The following DCAF12 variants were observed in gnomAD, a reference collection of about 807,000 sequenced individuals.
DCAF12 encodes the protein DDB1 and CUL4 associated factor 12.
Under a neutral mutation model 52.8 loss-of-function variants are expected in DCAF12, and 28 were observed. That is an observed-to-expected ratio of 0.53 (90% CI 0.39 to 0.73). The LOEUF (loss-of-function observed/expected upper bound fraction) is 0.73. DCAF12 is among the 30% of genes least tolerant of loss of function. The pLI is 0.00. For synonymous variants in DCAF12, 196 were observed against 215.5 expected (o/e 0.91, Z 0.79); for missense variants, 425 against 552.2 (o/e 0.77, Z 2.31).
At chr9:34,118,523 T>G (rs1829121106) in intron 2 of DCAF12, among the ~76,000 whole-genome samples, 1 of 152,192 alleles carries the variant, frequency 6.6e-6, no homozygotes, top group South Asian at 2.1e-4. Context: ...TTTCAGGTTT[T>G]TGTTCCCTGG....
At chr9:34,118,692 G>T (rs1226294748) in intron 2 of DCAF12, among the ~76,000 whole-genome samples, 25 of 152,128 alleles carry the variant, frequency 1.6e-4, no homozygotes, top group Admixed American at 1.5e-3. Flanking sequence ...GGCCGGGCGT[G>T]GTGGGTCATG....
Position 34,126,518 on chromosome 9 carries a change from G to A in DCAF12, c.-87C>T. ...ACGGCGGGTCATATACTGGGCCCCG[G>A]GGCCGCGCACCTTAGTGCGCCCGGC... On this transcript the variant is annotated 5_prime_UTR_variant, in exon 1 of 9. Coordinates refer to ENST00000361264, the MANE Select transcript of DCAF12 (RefSeq NM_015397.4). 4.1e-6 allele frequency: 6 copies of A among 1,458,390 alleles called. No individual in the cohort carries two copies. The highest frequency in any genetic ancestry group is 5.5e-6 in the Non-Finnish European group (6 of 1,095,766). The allele number at this position is 1,458,390 out of a possible 1,614,324, so 90.3% of individuals were successfully genotyped here. A position where few individuals can be genotyped will look rare whatever the true frequency, so the allele number is the denominator to read the frequency against.
At chr9:34,091,917 A>T (rs1251717806) in intron 7 of DCAF12, among the ~76,000 whole-genome samples, 1 of 152,194 alleles carries the variant, frequency 6.6e-6, no homozygotes, top group African/African-American at 2.4e-5. Flanking sequence ...CAAGTTATTT[A>T]GCTGGCTCTA....
intron 4 of DCAF12, among the ~76,000 whole-genome samples, chr9:34,099,579 C>G (rs971429757): frequency 2.0e-5 from 3 of 150,656 alleles, no homozygotes; most frequent in Non-Finnish European, 3.0e-5. Context: ...AGCTAATTTT[C>G]TTTTTTATTT....
At chr9:34,118,836 C>G (rs187313339) in intron 2 of DCAF12, among the ~76,000 whole-genome samples, 83 of 152,214 alleles carry the variant, frequency 5.5e-4, no homozygotes, top group African/African-American at 2.0e-3. Flanking sequence ...TGGTGGCACA[C>G]ACCTGTAATC....
Position 34,126,583 on chromosome 9 carries a change from G to A in DCAF12, c.-152C>T. ...GGACCCGGAGCGGCAGCAGAAAAAA[G>A]ATAGGCGGAAAGAAAGGAAAGAGAG... On this transcript the variant is annotated 5_prime_UTR_variant, in exon 1 of 9. Coordinates refer to ENST00000361264, the MANE Select transcript of DCAF12 (RefSeq NM_015397.4). The A allele has an allele frequency of 1.3e-6, 1 of 798,648 alleles. No individual in the cohort carries two copies. Among genetic ancestry groups the A allele is most frequent in the East Asian group, 2.8e-5 (1 of 35,784 alleles). The allele number at this position is 798,648 out of a possible 1,614,324, so 49.5% of individuals were successfully genotyped here. A position where few individuals can be genotyped will look rare whatever the true frequency, so the allele number is the denominator to read the frequency against.
rs778368662 is a variant in DCAF12, at chr9:34,107,453, T to C, written c.446A>G (p.Asn149Ser). 1.7e-5 allele frequency: 27 copies of C among 1,614,180 alleles called. No homozygotes were observed. The East Asian group carries it at 5.3e-4, about 32-fold the overall frequency. Residue 149 changes from asparagine (N) to serine (S), a missense_variant, in exon 3 of 9, where the codon AAT becomes AGT. By Grantham distance (46) the Asn-to-Ser change is conservative (BLOSUM62 1). Coordinates refer to ENST00000361264, the MANE Select transcript of DCAF12 (RefSeq NM_015397.4). ...AGTGGCTAGCAGTGTTCTAGAAGGA[T>C]TCAGCTCGATGGCATGGATACCACA... is the stretch of plus-strand genomic sequence containing the variant. ...QGCGIHAIELNPSRTLLATGG... is the reference protein window; with the variant it reads ...QGCGIHAIELSPSRTLLATGG...
At chr9:34,121,322 G>A (rs1161428648) in intron 2 of DCAF12, among the ~76,000 whole-genome samples, 2 of 152,074 alleles carry the variant, frequency 1.3e-5, no homozygotes, top group Non-Finnish European at 2.9e-5. Context: ...TTTGCCCGTC[G>A]TGACAGTATC....
intron 5 of DCAF12, 135 bp from the exon 6 acceptor site, chr9:34,096,916 T>C: frequency 1.4e-6 from 1 of 735,804 alleles, no homozygotes. Context: ...CCAGTAATTA[T>C]TAGACCATTA....
intron 6 of DCAF12, 59 bp from the exon 7 acceptor site, chr9:34,093,507 T>A (rs982832033): frequency 6.3e-7 from 1 of 1,585,010 alleles, no homozygotes; most frequent in Admixed American, 1.7e-5. Flanking sequence ...GCAGGGATAT[T>A]GTTTCTGGAC....
At chr9:34,098,581 G>C (rs535870763) in intron 4 of DCAF12, 64 bp from the exon 5 acceptor site, 11 of 1,509,454 alleles carry the variant, frequency 7.3e-6, no homozygotes, top group Middle Eastern at 2.4e-4. Flanking sequence ...TCCCACAGAC[G>C]CCAAAGAGGG....
At chr9:34,102,384 C>A (rs960767135) in intron 4 of DCAF12, among the ~76,000 whole-genome samples, 1 of 152,038 alleles carries the variant, frequency 6.6e-6, no homozygotes, top group African/African-American at 2.4e-5. Flanking sequence ...AAACCCAGGC[C>A]GGGCACGGTG....
chr9:34,107,294 T>C, intron 3 of DCAF12, 65 bp downstream of exon 3: 2 of 1,480,376 alleles, frequency 1.4e-6, no homozygotes, highest in Non-Finnish European at 1.9e-6. Context: ...GGAGGGTCCA[T>C]GTTAATCACT....
At chr9:34,093,006 C>T (rs536321656) in intron 7 of DCAF12, among the ~76,000 whole-genome samples, 10 of 152,146 alleles carry the variant, frequency 6.6e-5, no homozygotes, top group Non-Finnish European at 1.2e-4. Flanking sequence ...CCACTGCGCC[C>T]GGCTAATTTT....
chr9:34,112,979 C>G (rs1290550321), intron 2 of DCAF12, among the ~76,000 whole-genome samples: 1 of 152,212 alleles, frequency 6.6e-6, no homozygotes, highest in African/African-American at 2.4e-5. Context: ...TAATTGCCCA[C>G]TCACATATTT....
intron 1 of DCAF12, among the ~76,000 whole-genome samples, chr9:34,125,949 A>T (rs1202762969): frequency 6.6e-6 from 1 of 152,132 alleles, no homozygotes; most frequent in Non-Finnish European, 1.5e-5. Flanking sequence ...GTATACATAT[A>T]GGGAGACTAC....
At chr9:34,109,530 G>A (rs12553049) in intron 2 of DCAF12, 2,148 of 153,394 alleles carry the variant, frequency 0.014, 32 homozygotes, top group African/African-American at 0.043. Flanking sequence ...CTCCGTGCAC[G>A]TACGGCCCCT....
At chr9:34,102,211 C>G (rs73491058) in intron 4 of DCAF12, among the ~76,000 whole-genome samples, 2,238 of 151,390 alleles carry the variant, frequency 0.015, 53 homozygotes, top group African/African-American at 0.05. Flanking sequence ...GTCACTGGAG[C>G]CTGGAGAGGT....
intron 2 of DCAF12, among the ~76,000 whole-genome samples, chr9:34,113,969 G>T (rs10971925): frequency 6.6e-6 from 1 of 151,946 alleles, no homozygotes; most frequent in Non-Finnish European, 1.5e-5. Context: ...TTAGCCGGGC[G>T]TGGTGGTGGG....
Sources: allele counts gnomAD v4.1 joint callset (sites outside exome capture counted in the v4.1 genomes callset), GRCh38; gene constraint gnomAD v4.1.1; transcripts MANE v1.5; gene names NCBI Gene and HGNC (gene_info 2026-07-23, HGNC 2026-07-21).